Variants in RBFOX1 observed in about 807,000 individuals in gnomAD.
RBFOX1 encodes RNA binding protein fox-1 homolog 1.
In RBFOX1, 8 loss-of-function variants were observed where a neutral mutation model predicts 57.7. That is an observed-to-expected ratio of 0.14 (90% CI 0.08 to 0.25). The LOEUF (loss-of-function observed/expected upper bound fraction) is 0.25, where lower values mean the gene tolerates loss of function less well. Ranked by LOEUF, RBFOX1 falls within the 10% of genes least tolerant of loss-of-function variation. RBFOX1 has a pLI of 1.00. For missense variants in RBFOX1, 611 were observed against 548.5 expected, an observed-to-expected ratio of 1.11 and a Z score of -1.14; for synonymous variants, 326 against 222.4, an observed-to-expected ratio of 1.47 and a Z score of -4.15.
At chr16:5,562,971 A>G (rs992897368) in intron 2 of RBFOX1, among the ~76,000 whole-genome samples, 12 of 152,076 alleles carry the variant, frequency 7.9e-5, no homozygotes, top group Non-Finnish European at 1.6e-4. Context: ...TATTATTGAA[A>G]TGGAGTCTCG....
At chr16:6,927,360 C>A (rs576143072) in intron 3 of RBFOX1, among the ~76,000 whole-genome samples, 1 of 132,072 alleles carries the variant, frequency 7.6e-6, no homozygotes, top group Non-Finnish European at 1.5e-5. Flanking sequence ...TTGCAGTGAG[C>A]TGAGATCGCA....
At chr16:5,443,834 C>A (rs77126043) in intron 1 of RBFOX1, among the ~76,000 whole-genome samples, 2,911 of 152,234 alleles carry the variant, frequency 0.019, 104 homozygotes, top group African/African-American at 0.066. Context: ...AGAATGGTCA[C>A]CTATTTTTTG....
rs183463872 is a variant in RBFOX1 at position 7,707,530 on chromosome 16, A to C, written c.996-1526A>C. ...TCCTTCATTCAGGAAATGGTCAAAG[A>C]ATCAAAAAACGATGTCGATCCCAGT... On this transcript the variant is annotated intron_variant, in intron 14 of 15. Coordinates refer to ENST00000550418, the MANE Select transcript of RBFOX1 (RefSeq NM_018723.4). Among the ~76,000 whole-genome samples the C allele has an allele frequency of 2.2e-4, 33 of 152,264 alleles. No homozygotes were observed. In the East Asian group the frequency reaches 5.2e-3, roughly 24 times the overall value.
intron 3 of RBFOX1, among the ~76,000 whole-genome samples, chr16:6,668,916 T>G (rs1439387753): frequency 1.3e-5 from 2 of 152,246 alleles, no homozygotes; most frequent in East Asian, 3.8e-4. Context: ...TTTCAAAGAT[T>G]GTTCTGTCAT....
rs1225576514 is a variant in RBFOX1 at position 6,473,241 on chromosome 16, C to T, written c.-64+156184C>T. ...TTTCTGGTGATTAGTGAACATGGAT[C>T]ACCCTCCGAGGCTTTTTGTTGGCAG... is the stretch of plus-strand genomic sequence containing the variant. On this transcript the variant is annotated intron_variant, in intron 2 of 15. Transcript: ENST00000550418. Among the ~76,000 whole-genome samples, 5 of 152,164 alleles carry T rather than the reference C, an allele frequency of 3.3e-5. No homozygotes were observed. In the East Asian group the frequency reaches 5.8e-4, roughly 18 times the overall value.
At chr16:6,090,667 C>G (rs1026976515) in intron 1 of RBFOX1, among the ~76,000 whole-genome samples, 5 of 152,196 alleles carry the variant, frequency 3.3e-5, no homozygotes, top group Admixed American at 6.5e-5. Flanking sequence ...CTGAACACAC[C>G]TGTGAAAGCA....
chr16:7,557,909 G>C (rs1020728108), intron 5 of RBFOX1, among the ~76,000 whole-genome samples: 7 of 151,820 alleles, frequency 4.6e-5, no homozygotes. Context: ...ACAGAGTTAG[G>C]AAAAAATATG....
chr16:7,547,299 G>A (rs2084845080), intron 5 of RBFOX1, among the ~76,000 whole-genome samples: 1 of 152,218 alleles, frequency 6.6e-6, no homozygotes, highest in African/African-American at 2.4e-5. Flanking sequence ...GATATGAAGT[G>A]TGATGACTTA....
At chr16:6,530,160 A>G (rs1306847268) in intron 2 of RBFOX1, among the ~76,000 whole-genome samples, 1 of 152,128 alleles carries the variant, frequency 6.6e-6, no homozygotes, top group Non-Finnish European at 1.5e-5. Flanking sequence ...CTTAGAATGA[A>G]GAGGGAGGAT....
intron 3 of RBFOX1, among the ~76,000 whole-genome samples, chr16:6,885,940 G>T (rs1420331375): frequency 6.6e-6 from 1 of 152,190 alleles, no homozygotes; most frequent in East Asian, 1.9e-4. Context: ...AAAATAAAAT[G>T]ATTTCTCTTG....
At chr16:6,727,618 A>G (rs141563890) in intron 3 of RBFOX1, among the ~76,000 whole-genome samples, 2 of 152,184 alleles carry the variant, frequency 1.3e-5, no homozygotes, top group East Asian at 3.9e-4. Flanking sequence ...AGGTTTCAGT[A>G]TGAATTTGGG....
intron 1 of RBFOX1, among the ~76,000 whole-genome samples, chr16:5,296,670 T>C (rs1248268483): frequency 1.3e-5 from 2 of 151,828 alleles, no homozygotes; most frequent in Non-Finnish European, 2.9e-5. Context: ...CATTTTTTTT[T>C]CTCTGAGCTA....
chr16:5,963,195 A>G (rs1218531660), intron 4 of RBFOX1, among the ~76,000 whole-genome samples: 4 of 152,218 alleles, frequency 2.6e-5, no homozygotes, highest in Non-Finnish European at 1.5e-5. Context: ...AGGTTAGGTA[A>G]TGCTGCTGTA....
chr16:6,859,422 A>G (rs1365221935), intron 3 of RBFOX1, among the ~76,000 whole-genome samples: 1 of 151,876 alleles, frequency 6.6e-6, no homozygotes, highest in African/African-American at 2.4e-5. Flanking sequence ...AATTGATTTT[A>G]CTTGTCAGCT....
intron 5 of RBFOX1, among the ~76,000 whole-genome samples, chr16:7,549,160 T>C (rs2085543997): frequency 6.6e-6 from 1 of 152,230 alleles, no homozygotes; most frequent in African/African-American, 2.4e-5. Flanking sequence ...AGCTGGCATA[T>C]GCCAAGGCCT....
At chr16:6,022,058 C>T (rs1162001777) in intron 1 of RBFOX1, among the ~76,000 whole-genome samples, 2 of 152,172 alleles carry the variant, frequency 1.3e-5, no homozygotes, top group South Asian at 2.1e-4. Context: ...TCCCATTCTG[C>T]TCTCTGCATG....
chr16:5,274,243 A>G (rs2063087017), intron 1 of RBFOX1, among the ~76,000 whole-genome samples: 1 of 152,194 alleles, frequency 6.6e-6, no homozygotes, highest in Non-Finnish European at 1.5e-5. Flanking sequence ...AGAGTGAGTT[A>G]GGTGTTCAGG....
chr16:6,775,073 C>G (rs777417243), intron 3 of RBFOX1, among the ~76,000 whole-genome samples: 6 of 151,734 alleles, frequency 4.0e-5, no homozygotes, highest in Non-Finnish European at 7.4e-5. Context: ...CGCCTGTAAT[C>G]CCAGCACTTT....
chr16:6,727,050 A>AACACACACACACACACAC (rs71408406), intron 3 of RBFOX1, among the ~76,000 whole-genome samples: 8,769 of 135,670 alleles, frequency 0.065, 424 homozygotes, highest in East Asian at 0.21. Flanking sequence ...ATTTGGACTG[A>AACACACACACACACACAC]ACACACACAC....
Sources: allele counts gnomAD v4.1 joint callset (sites outside exome capture counted in the v4.1 genomes callset), GRCh38; gene constraint gnomAD v4.1.1; transcripts MANE v1.5; gene names NCBI Gene and HGNC (gene_info 2026-07-23, HGNC 2026-07-21).